ZNF503: variants seen among roughly 807,000 people sequenced by gnomAD.
ZNF503 encodes the protein NocA-like zinc finger 2.
Under a neutral mutation model 34.4 loss-of-function variants are expected in ZNF503, and 15 were observed. That is an observed-to-expected ratio of 0.44 (90% CI 0.29 to 0.67). The LOEUF (loss-of-function observed/expected upper bound fraction) is 0.67. ZNF503 is among the 30% of genes least tolerant of loss of function. ZNF503 has a pLI of 0.13. For synonymous variants in ZNF503, 580 were observed against 456.8 expected, an observed-to-expected ratio of 1.27 and a Z score of -3.44; for missense variants, 1,007 against 926.8, an observed-to-expected ratio of 1.09 and a Z score of -1.12.
chr10:75,398,037 T>G lies in ZNF503; in HGVS notation c.*712A>C, dbSNP rs1843723042. The G allele has an allele frequency of 3.9e-5, 6 of 152,274 alleles. No individual in the cohort carries two copies. The South Asian group carries it at 1.2e-3, about 32-fold the overall frequency. 9.4% of individuals were successfully genotyped at this position (152,274 alleles called of 1,614,324 possible). ...AATTTTTTCTTTTTCTTTTTTTTTT[T>G]GTTGTTTTCTTCCAGAATACATACA... On this transcript the variant is annotated 3_prime_UTR_variant, in exon 2 of 2. Coordinates refer to ENST00000372524, the MANE Select transcript of ZNF503 (RefSeq NM_032772.6).
downstream of ZNF503, among the ~76,000 whole-genome samples, chr10:75,394,417 C>A (rs890731066): frequency 1.4e-4 from 22 of 152,222 alleles, no homozygotes; most frequent in African/African-American, 5.1e-4. Flanking sequence ...TAGCCACATT[C>A]GGTGAGGAAC....
At chr10:75,353,962 C>A in the ZNF503 span, among the ~76,000 whole-genome samples, 6 of 152,362 alleles carry the variant, frequency 3.9e-5, no homozygotes, top group African/African-American at 1.2e-4. Flanking sequence ...AGGAAAGGAG[C>A]TACTTGCTGA....
chr10:75,359,306 C>G, the ZNF503 span, among the ~76,000 whole-genome samples: 8 of 152,348 alleles, frequency 5.3e-5, no homozygotes, highest in African/African-American at 1.9e-4. Flanking sequence ...TTCATTCTTT[C>G]ATAACATCAG....
chr10:75,347,651 C>T, the ZNF503 span, among the ~76,000 whole-genome samples: 1,797 of 152,310 alleles, frequency 0.012, 20 homozygotes, highest in African/African-American at 0.025. Context: ...TCTCACATTT[C>T]CAGACAGAGA....
At chr10:75,366,168 A>G in the ZNF503 span, among the ~76,000 whole-genome samples, 2 of 152,250 alleles carry the variant, frequency 1.3e-5, no homozygotes, top group African/African-American at 2.4e-5. Flanking sequence ...TAGGAGGAAT[A>G]TTCCCTCTAG....
the ZNF503 span, among the ~76,000 whole-genome samples, chr10:75,360,130 T>C: frequency 6.8e-6 from 1 of 146,758 alleles, no homozygotes; most frequent in African/African-American, 2.5e-5. Flanking sequence ...TTTTTTTTTT[T>C]TTTTTTTTGA....
chr10:75,373,179 C>T, the ZNF503 span, among the ~76,000 whole-genome samples: 576 of 152,368 alleles, frequency 3.8e-3, 4 homozygotes, highest in African/African-American at 0.013. Flanking sequence ...CTGGGCATTG[C>T]GCTTGGCTGC....
the ZNF503 span, among the ~76,000 whole-genome samples, chr10:75,301,785 T>C: frequency 6.6e-6 from 1 of 152,338 alleles, no homozygotes; most frequent in South Asian, 2.1e-4. Context: ...TTTCTTCCCT[T>C]CTGCTCTATA....
At chr10:75,304,682 A>T in the ZNF503 span, among the ~76,000 whole-genome samples, 1 of 152,246 alleles carries the variant, frequency 6.6e-6, no homozygotes, top group Non-Finnish European at 1.5e-5. Flanking sequence ...AATATTTTCT[A>T]TGTTAACTAG....
chr10:75,329,434 C>T, the ZNF503 span, among the ~76,000 whole-genome samples: 5,966 of 87,070 alleles, frequency 0.069, 524 homozygotes, highest in African/African-American at 0.2. Context: ...TTCCTTCCTT[C>T]CTTTCTTTCT....
chr10:75,364,489 C>T, the ZNF503 span, among the ~76,000 whole-genome samples: 2 of 152,134 alleles, frequency 1.3e-5, no homozygotes, highest in Admixed American at 1.3e-4. Context: ...TGACCAGGCC[C>T]TGGAGAAAAG....
At position 75,398,537 on chromosome 10, in the gene ZNF503, G is replaced by A; in HGVS notation, c.*212C>T. The A allele has an allele frequency of 2.5e-6, 1 of 405,058 alleles. No homozygotes were observed. The highest frequency in any genetic ancestry group is 3.6e-5 in the East Asian group (1 of 27,972). The allele number at this position is 405,058 out of a possible 1,614,324, so 25.1% of individuals were successfully genotyped here. A position where few individuals can be genotyped will look rare whatever the true frequency, so the allele number is the denominator to read the frequency against. The stretch of plus-strand genomic sequence containing the variant: ...ATTTTTTCAACTTTTATAAAGTTTG[G>A]GTGGGGAGGTGAAAGTGGGGAGAAG... On this transcript the variant is annotated 3_prime_UTR_variant, in exon 2 of 2. Coordinates refer to ENST00000372524, the MANE Select transcript of ZNF503 (RefSeq NM_032772.6).
At chr10:75,315,015 G>T in the ZNF503 span, among the ~76,000 whole-genome samples, 1 of 152,166 alleles carries the variant, frequency 6.6e-6, no homozygotes, top group South Asian at 2.1e-4. Context: ...TGTAATGATG[G>T]TGTATAAATT....
At chr10:75,382,552 CTCTT>C in the ZNF503 span, 3 of 507,176 alleles carry the variant, frequency 5.9e-6, no homozygotes, top group East Asian at 2.0e-4. Context: ...TGACTGGTGT[CTCTT>C]TCTCCTTCCC....
chr10:75,367,098 G>C, the ZNF503 span, among the ~76,000 whole-genome samples: 1 of 152,154 alleles, frequency 6.6e-6, no homozygotes, highest in African/African-American at 2.4e-5. Flanking sequence ...GAAGGGCCTC[G>C]TGTGAAGGTC....
chr10:75,313,771 GGATTGGGAGAAGGGACAT>G, the ZNF503 span, among the ~76,000 whole-genome samples: 1 of 152,210 alleles, frequency 6.6e-6, no homozygotes, highest in Non-Finnish European at 1.5e-5. Context: ...CAAATCTGTG[GGATTGGGAGAAGGGACAT>G]GAACTTGAGC....
the ZNF503 span, among the ~76,000 whole-genome samples, chr10:75,375,063 A>G: frequency 0.025 from 3,858 of 152,304 alleles, 44 homozygotes; most frequent in South Asian, 0.037. Flanking sequence ...CTGTGATCCA[A>G]TGAGTTTGGG....
At position 75,398,917 on chromosome 10, in the gene ZNF503, G is replaced by T; in HGVS notation, c.1773C>A (p.Ser591Arg). ...TGCTGAGTCCCAGCGCGTGGTGGGG[G>T]CTGCGCAGCGCCAGCGTCCCAGGGC... is the stretch of plus-strand genomic sequence containing the variant. ...PGSPGTLALRSPHHALGLSSR... is the reference protein window; with the variant it reads ...PGSPGTLALRRPHHALGLSSR... The change falls in exon 2 of 2, where the codon AGC becomes AGA. Residue 591 changes from serine to arginine, a missense_variant. Transcript: ENST00000372524. The T allele has an allele frequency of 6.3e-7, 1 of 1,574,912 alleles. No homozygotes were observed. The highest frequency in any genetic ancestry group is 8.6e-7 in the Non-Finnish European group (1 of 1,163,826).
the ZNF503 span, among the ~76,000 whole-genome samples, chr10:75,321,703 T>C: frequency 6.6e-6 from 1 of 152,212 alleles, no homozygotes; most frequent in African/African-American, 2.4e-5. Flanking sequence ...TTAGTGTAGC[T>C]GGTGGAAGAA....
Sources: allele counts gnomAD v4.1 joint callset (sites outside exome capture counted in the v4.1 genomes callset), GRCh38; gene constraint gnomAD v4.1.1; transcripts MANE v1.5; gene names NCBI Gene and HGNC (gene_info 2026-07-23, HGNC 2026-07-21).